The following PIAS1 variants were observed in gnomAD, a reference collection of about 807,000 sequenced individuals.
PIAS1 encodes the protein E3 SUMO-protein ligase PIAS1.
A neutral mutation model predicts 71.3 loss-of-function variants in PIAS1; 6 were observed. The ratio of observed to expected loss-of-function variants is 0.08; its 90% CI spans 0.05 to 0.17. The LOEUF (loss-of-function observed/expected upper bound fraction) is 0.17. Ranked by LOEUF, PIAS1 falls within the 10% of genes least tolerant of loss-of-function variation. The pLI is 1.00. For missense variants in PIAS1, 555 were observed against 793.6 expected (o/e 0.70, Z 3.61); for synonymous variants, 303 against 292.9 (o/e 1.03, Z -0.35).
rs2093125016 is a variant in PIAS1, at chr15:68,192,516, C to G, written c.*4681C>G. The G allele has an allele frequency of 6.6e-6, 1 of 152,238 alleles. No homozygotes were observed. The highest frequency in any genetic ancestry group is 1.5e-5 in the Non-Finnish European group (1 of 68,072). The allele number at this position is 152,238 out of a possible 1,614,324, so 9.4% of individuals were successfully genotyped here. On this transcript the variant is annotated 3_prime_UTR_variant, in exon 14 of 14. Transcript: ENST00000249636. Reference sequence around the variant, plus strand: ...GGCATTTGGGCCATTTATTTACCCTCACCCCACAAAACTCTTTGGCTCCTA... The same window carrying G: ...GGCATTTGGGCCATTTATTTACCCTGACCCCACAAAACTCTTTGGCTCCTA...
chr15:68,075,938 G>A (rs1313939307), intron 1 of PIAS1, among the ~76,000 whole-genome samples: 1 of 151,912 alleles, frequency 6.6e-6, no homozygotes, highest in Non-Finnish European at 1.5e-5. Context: ...GCCCAGGACC[G>A]TGCCTGGTTC....
chr15:68,108,610 T>G (rs1223231452), intron 2 of PIAS1, among the ~76,000 whole-genome samples: 5 of 152,198 alleles, frequency 3.3e-5, no homozygotes, highest in East Asian at 1.9e-4. Flanking sequence ...CTGCCTGCTT[T>G]ATATCACCAT....
chr15:68,079,395 A>G (rs1229565192), intron 1 of PIAS1, among the ~76,000 whole-genome samples: 1 of 152,168 alleles, frequency 6.6e-6, no homozygotes, highest in African/African-American at 2.4e-5. Flanking sequence ...CCACCTCTGC[A>G]TAAGAAGTCT....
intron 7 of PIAS1, among the ~76,000 whole-genome samples, chr15:68,161,936 A>T (rs577013616): frequency 1.0e-4 from 15 of 150,670 alleles, no homozygotes; most frequent in Admixed American, 6.6e-4. Flanking sequence ...CTCAAAAAAA[A>T]TTTTTTTTTC....
chr15:68,109,720 C>G (rs1402933142), intron 2 of PIAS1, among the ~76,000 whole-genome samples: 4 of 152,144 alleles, frequency 2.6e-5, no homozygotes, highest in Non-Finnish European at 5.9e-5. Context: ...CAGCCCTGGC[C>G]AGGAGAAACG....
At chr15:68,123,362 A>T (rs2092626493) in intron 2 of PIAS1, among the ~76,000 whole-genome samples, 1 of 152,150 alleles carries the variant, frequency 6.6e-6, no homozygotes, top group Non-Finnish European at 1.5e-5. Context: ...CAAAATTCTT[A>T]TATGCAATTC....
intron 2 of PIAS1, among the ~76,000 whole-genome samples, chr15:68,116,065 T>C (rs555449168): frequency 7.9e-4 from 120 of 152,258 alleles, no homozygotes; most frequent in African/African-American, 2.8e-3. Flanking sequence ...AGCATTTCTT[T>C]CTTTTCCATT....
At chr15:68,095,552 A>T (rs1474138925) in intron 2 of PIAS1, among the ~76,000 whole-genome samples, 2 of 134,796 alleles carry the variant, frequency 1.5e-5, no homozygotes, top group Non-Finnish European at 3.1e-5. Flanking sequence ...TTTTCTGGAG[A>T]TGGAGTCTCG....
chr15:68,055,061 C>T (rs916480884), intron 1 of PIAS1: 22 of 234,304 alleles, frequency 9.4e-5, no homozygotes, highest in African/African-American at 5.1e-4. Flanking sequence ...TCTCTGATTC[C>T]GGGCAGCCGA....
intron 1 of PIAS1, among the ~76,000 whole-genome samples, chr15:68,069,118 A>G (rs2092063851): frequency 1.3e-5 from 2 of 148,312 alleles, no homozygotes; most frequent in African/African-American, 2.5e-5. Context: ...CTGGTCTCGA[A>G]CTCCAGACGT....
chr15:68,064,469 A>G (rs1220415713), intron 1 of PIAS1, among the ~76,000 whole-genome samples: 1 of 152,254 alleles, frequency 6.6e-6, no homozygotes, highest in Non-Finnish European at 1.5e-5. Context: ...AATGCATGAT[A>G]TTACAAAATC....
chr15:68,192,830 C>A lies in PIAS1; in HGVS notation c.*4995C>A, dbSNP rs1384101736. On this transcript the variant is annotated 3_prime_UTR_variant, in exon 14 of 14. Transcript: ENST00000249636. ...CCCACTTTTGATACATACATGGATG[C>A]AAATCTTTGTACTTGAAGCCCTGCA... 6.6e-6 allele frequency: 1 copy of A among 152,242 alleles called. No individual in the cohort carries two copies. 9.4% of individuals were successfully genotyped at this position (152,242 alleles called of 1,614,324 possible).
chr15:68,125,503 C>T (rs1218787231), intron 2 of PIAS1, among the ~76,000 whole-genome samples: 1 of 152,112 alleles, frequency 6.6e-6, no homozygotes, highest in Admixed American at 6.5e-5. Context: ...TAGGAAAAAG[C>T]TGCATGGAAG....
At position 68,123,134 on chromosome 15, in the gene PIAS1, C is replaced by T. The variant is rs183605325; in HGVS notation, c.470-18812C>T. Among the ~76,000 whole-genome samples the T allele has an allele frequency of 2.0e-5, 3 of 152,244 alleles. No homozygotes were observed. The East Asian group carries it at 5.8e-4, about 29-fold the overall frequency. On this transcript the variant is annotated intron_variant, in intron 2 of 13. Transcript: ENST00000249636. ...TGGTACAAGCGTAGCTCACTGCAAC[C>T]TCAAACTCCTAGGCTAAAGTGGTCC...
chr15:68,160,645 G>C (rs540289233), intron 7 of PIAS1, among the ~76,000 whole-genome samples: 3 of 152,244 alleles, frequency 2.0e-5, no homozygotes, highest in Middle Eastern at 3.4e-3. Flanking sequence ...ATACGAAGTT[G>C]GTTTCAGCAT....
intron 2 of PIAS1, among the ~76,000 whole-genome samples, chr15:68,090,927 G>GT (rs1555425137): frequency 9.1e-5 from 13 of 142,760 alleles, no homozygotes; most frequent in African/African-American, 1.6e-4. Context: ...GTCATTTACG[G>GT]GTGTGTGTGT....
intron 5 of PIAS1, among the ~76,000 whole-genome samples, 161 bp downstream of exon 5, chr15:68,146,067 A>T (rs1187411972): frequency 6.6e-6 from 1 of 152,226 alleles, no homozygotes; most frequent in Non-Finnish European, 1.5e-5. Context: ...ATGTACAGTT[A>T]GCAGCAGTGA....
At chr15:68,059,268 A>G (rs2091931705) in intron 1 of PIAS1, among the ~76,000 whole-genome samples, 1 of 151,920 alleles carries the variant, frequency 6.6e-6, no homozygotes, top group African/African-American at 2.4e-5. Context: ...CGGCCTCCCA[A>G]AGTGCTGAGA....
chr15:68,109,677 A>C (rs1430896054), intron 2 of PIAS1, among the ~76,000 whole-genome samples: 4 of 152,214 alleles, frequency 2.6e-5, no homozygotes, highest in Non-Finnish European at 4.4e-5. Context: ...TCACTAAACT[A>C]TTTTAAAATG....
Sources: gnomAD v4.1 joint callset for allele counts (sites outside exome capture counted in the v4.1 genomes callset) on GRCh38, gnomAD v4.1.1 for gene constraint, MANE v1.5 for transcripts, NCBI Gene and HGNC (gene_info 2026-07-23, HGNC 2026-07-21) for gene names.